The following ANO6 variants were observed in gnomAD, a reference collection of about 807,000 sequenced individuals.
ANO6 encodes the protein anoctamin-6.
Under a neutral mutation model 117.5 loss-of-function variants are expected in ANO6, and 106 were observed. The observed-to-expected ratio is 0.90, with a 90% CI of 0.77 to 1.06. ANO6 has a LOEUF of 1.06. Ranked by LOEUF, ANO6 falls within the 50% of genes least tolerant of loss-of-function variation. The pLI, the probability that ANO6 is intolerant of heterozygous loss-of-function variation, is 0.00. For synonymous variants in ANO6, 367 were observed against 385.1 expected, an observed-to-expected ratio of 0.95 and a Z score of 0.55; for missense variants, 955 against 1,121.1, an observed-to-expected ratio of 0.85 and a Z score of 2.12.
In ANO6 at chr12:45,282,580, G is replaced by A. The variant is rs114132839; in HGVS notation, c.71-19434G>A. Among the ~76,000 whole-genome samples the A allele has an allele frequency of 7.3e-3, 1,115 of 152,308 alleles. 7 individuals carry two copies. Among genetic ancestry groups the A allele is most frequent in the African/African-American group, 0.023 (965 of 41,558 alleles). On this transcript the variant is annotated intron_variant, in intron 1 of 19. Coordinates refer to ENST00000320560, the MANE Select transcript of ANO6 (RefSeq NM_001025356.3). ...GGTTTAGCAGCATGCAAGTCACTAT[G>A]GACCTTAGAGCCGGCTGGTGACTGA...
chr12:45,372,120 GATGAA>G (rs1398472071), intron 9 of ANO6, among the ~76,000 whole-genome samples: 1 of 152,180 alleles, frequency 6.6e-6, no homozygotes, highest in East Asian at 1.9e-4. Context: ...AGCAATGGAA[GATGAA>G]ATGAATGAAA....
chr12:45,286,375 T>C (rs949980500), intron 1 of ANO6, among the ~76,000 whole-genome samples: 3 of 152,140 alleles, frequency 2.0e-5, no homozygotes, highest in Admixed American at 2.0e-4. Context: ...AAAACATCCA[T>C]CCAGAAGGAA....
intron 1 of ANO6, among the ~76,000 whole-genome samples, chr12:45,254,039 C>G (rs1311758009): frequency 1.3e-5 from 2 of 152,070 alleles, no homozygotes; most frequent in Non-Finnish European, 2.9e-5. Flanking sequence ...TGGTGGTGTG[C>G]GTCTGTAGTC....
chr12:45,218,390 C>CTT (rs76855973), intron 1 of ANO6, among the ~76,000 whole-genome samples: 5,153 of 109,858 alleles, frequency 0.047, 366 homozygotes, highest in African/African-American at 0.14. Flanking sequence ...CTTTCTTTCT[C>CTT]TTTTTTTTTT....
chr12:45,260,898 T>C (rs1227014337), intron 1 of ANO6, among the ~76,000 whole-genome samples: 1 of 152,138 alleles, frequency 6.6e-6, no homozygotes, highest in East Asian at 1.9e-4. Context: ...AGCAATCCTC[T>C]TGCTTCTGCT....
intron 18 of ANO6, among the ~76,000 whole-genome samples, chr12:45,421,815 C>T (rs886956893): frequency 5.9e-5 from 9 of 152,170 alleles, no homozygotes; most frequent in Admixed American, 3.3e-4. Flanking sequence ...TTCTCTGCAT[C>T]GATTTTAATG....
chr12:45,274,555 GC>G (rs2137240388), intron 1 of ANO6, among the ~76,000 whole-genome samples: 1 of 152,082 alleles, frequency 6.6e-6, no homozygotes, highest in South Asian at 2.1e-4. Flanking sequence ...GTCGCTTCCT[GC>G]CACCATTCAT....
At chr12:45,336,514 C>A (rs1940829146) in intron 3 of ANO6, among the ~76,000 whole-genome samples, 1 of 151,954 alleles carries the variant, frequency 6.6e-6, no homozygotes, top group Non-Finnish European at 1.5e-5. Context: ...TGTAACACAG[C>A]TGAAAAATTC....
At chr12:45,367,436 T>C (rs1358276169) in intron 8 of ANO6, among the ~76,000 whole-genome samples, 1 of 152,232 alleles carries the variant, frequency 6.6e-6, no homozygotes, top group Non-Finnish European at 1.5e-5. Flanking sequence ...GGCAGAGACC[T>C]CCAGCTGAAA....
chr12:45,381,952 GA>G (rs1462225333), intron 10 of ANO6, among the ~76,000 whole-genome samples: 1 of 151,746 alleles, frequency 6.6e-6, no homozygotes, highest in Non-Finnish European at 1.5e-5. Flanking sequence ...CTGAGTAAAT[GA>G]GTGGCTATCA....
At chr12:45,274,456 G>A (rs1488387206) in intron 1 of ANO6, among the ~76,000 whole-genome samples, 4 of 151,966 alleles carry the variant, frequency 2.6e-5, no homozygotes, top group African/African-American at 7.3e-5. Context: ...GTGACACCTC[G>A]TATTCTCAAA....
intron 6 of ANO6, among the ~76,000 whole-genome samples, chr12:45,349,273 G>C (rs920235061): frequency 7.2e-5 from 11 of 152,168 alleles, no homozygotes; most frequent in Middle Eastern, 3.4e-3. Context: ...CTGTCCCCTG[G>C]AATATCCCTG....
rs947581156 is a variant in ANO6, at chr12:45,429,934, G to A, written c.*623G>A. On this transcript the variant is annotated 3_prime_UTR_variant, in exon 20 of 20. Coordinates refer to ENST00000320560, the MANE Select transcript of ANO6 (RefSeq NM_001025356.3). Reference sequence around the variant, plus strand: ...CTCAAAAAAATACTCTTAGTAGGTTGGAGTGAAGATAGCAAGGTTTTGAAG... The same window carrying A: ...CTCAAAAAAATACTCTTAGTAGGTTAGAGTGAAGATAGCAAGGTTTTGAAG... 6 of 988,130 alleles carry A rather than the reference G, an allele frequency of 6.1e-6. No homozygotes were observed. The African/African-American group carries it at 8.7e-5, about 14-fold the overall frequency. 61.2% of individuals were successfully genotyped at this position (988,130 alleles called of 1,614,324 possible).
At chr12:45,320,019 T>C (rs1429701167) in intron 2 of ANO6, among the ~76,000 whole-genome samples, 1 of 152,196 alleles carries the variant, frequency 6.6e-6, no homozygotes, top group Non-Finnish European at 1.5e-5. Context: ...TTATTCCTTA[T>C]TAGTCTTGCT....
At chr12:45,217,229 C>G (rs1488844332) in intron 1 of ANO6, among the ~76,000 whole-genome samples, 1 of 152,148 alleles carries the variant, frequency 6.6e-6, no homozygotes, top group East Asian at 1.9e-4. Context: ...AAAGAGAACA[C>G]TGTCGGGGGA....
chr12:45,297,503 C>T (rs1357341545), intron 1 of ANO6, among the ~76,000 whole-genome samples: 1 of 152,160 alleles, frequency 6.6e-6, no homozygotes, highest in East Asian at 1.9e-4. Flanking sequence ...ACAATTGGGA[C>T]AATGGATGTT....
intron 19 of ANO6, among the ~76,000 whole-genome samples, chr12:45,423,671 T>A (rs1418075540): frequency 6.6e-6 from 1 of 152,184 alleles, no homozygotes; most frequent in Non-Finnish European, 1.5e-5. Context: ...CTGTGGTTGC[T>A]CCTGAATCAA....
At chr12:45,270,346 G>A in intron 1 of ANO6, 2 of 1,315,470 alleles carry the variant, frequency 1.5e-6, no homozygotes, top group South Asian at 4.7e-5. Flanking sequence ...GCTTGTACGA[G>A]GTCAGGTCCT....
chr12:45,300,230 A>G (rs1196704344), intron 1 of ANO6, among the ~76,000 whole-genome samples: 3 of 152,152 alleles, frequency 2.0e-5, no homozygotes, highest in African/African-American at 4.8e-5. Context: ...CACCCAGGCT[A>G]GAGTGCAGCT....
Sources: allele counts gnomAD v4.1 joint callset (sites outside exome capture counted in the v4.1 genomes callset), GRCh38; gene constraint gnomAD v4.1.1; transcripts MANE v1.5; gene names NCBI Gene and HGNC (gene_info 2026-07-23, HGNC 2026-07-21).